Variants in POU2F1 observed in about 807,000 individuals in gnomAD.
The protein encoded by POU2F1 is POU class 2 homeobox 1, also known as POU domain, class 2, transcription factor 1.
Under a neutral mutation model 84.9 loss-of-function variants are expected in POU2F1, and 16 were observed. The observed-to-expected ratio is 0.19, with a 90% CI of 0.13 to 0.29. POU2F1 has a LOEUF of 0.29. Among genes scored for constraint, POU2F1 ranks in the 10% least tolerant of loss-of-function variants. The pLI is 1.00. For synonymous variants in POU2F1, 368 were observed against 368.3 expected, an observed-to-expected ratio of 1.00 and a Z score of 0.01; for missense variants, 738 against 942.6, an observed-to-expected ratio of 0.78 and a Z score of 2.84.
intron 1 of POU2F1, among the ~76,000 whole-genome samples, chr1:167,222,418 A>T (rs1177689028): frequency 6.6e-6 from 1 of 151,696 alleles, no homozygotes. Context: ...AATAACAGCC[A>T]CTCACAGCCC....
intron 1 of POU2F1, among the ~76,000 whole-genome samples, chr1:167,320,155 G>A (rs564576828): frequency 1.1e-4 from 17 of 151,718 alleles, no homozygotes; most frequent in Admixed American, 4.6e-4. Context: ...GTTTGGAATC[G>A]TAGCTGAGCA....
At chr1:167,308,663 C>T (rs1655252956) in intron 1 of POU2F1, among the ~76,000 whole-genome samples, 1 of 152,058 alleles carries the variant, frequency 6.6e-6, no homozygotes, top group Admixed American at 6.6e-5. Context: ...GCAGCTGGCA[C>T]TATAGGTGCA....
chr1:167,362,646 G>A (rs1253847764), intron 2 of POU2F1, among the ~76,000 whole-genome samples: 5 of 152,194 alleles, frequency 3.3e-5, no homozygotes, highest in African/African-American at 4.8e-5. Context: ...TGAGTAGCTG[G>A]AATTAGAGGG....
intron 1 of POU2F1, among the ~76,000 whole-genome samples, chr1:167,223,392 T>G (rs983591066): frequency 2.6e-5 from 4 of 152,202 alleles, no homozygotes; most frequent in Non-Finnish European, 4.4e-5. Context: ...TTTTGGTCTT[T>G]CCTGTGGTAA....
At position 167,427,331 on chromosome 1, in the gene POU2F1, A is replaced by G. The variant is rs1651021341; in HGVS notation, c.*11521A>G. 1 of 152,122 alleles carries G rather than the reference A, an allele frequency of 6.6e-6. No individual in the cohort carries two copies. The highest frequency in any genetic ancestry group is 6.5e-5 in the Admixed American group (1 of 15,268). The allele number at this position is 152,122 out of a possible 1,614,324, so 9.4% of individuals were successfully genotyped here. A position where few individuals can be genotyped will look rare whatever the true frequency, so the allele number is the denominator to read the frequency against. On this transcript the variant is annotated 3_prime_UTR_variant, in exon 16 of 16. Coordinates refer to ENST00000367866, the MANE Select transcript of POU2F1 (RefSeq NM_002697.4). ...TAAAACATCATTAAACCATCTTCCA[A>G]GTGTTTTCACATTGTTGGAGTTTCT...
chr1:167,268,239 TTTA>T (rs1317117300), intron 1 of POU2F1, among the ~76,000 whole-genome samples: 4 of 152,296 alleles, frequency 2.6e-5, no homozygotes, highest in Admixed American at 6.5e-5. Flanking sequence ...ATTTATCTAC[TTTA>T]TTATTCATTA....
At chr1:167,404,821 C>T (rs933629539) in intron 13 of POU2F1, among the ~76,000 whole-genome samples, 1 of 152,168 alleles carries the variant, frequency 6.6e-6, no homozygotes, top group African/African-American at 2.4e-5. Context: ...ATTTCTCCAC[C>T]ATCCAGTTTT....
chr1:167,339,762 T>G (rs1351046367), intron 2 of POU2F1, among the ~76,000 whole-genome samples: 1 of 152,232 alleles, frequency 6.6e-6, no homozygotes, highest in Admixed American at 6.5e-5. Flanking sequence ...CTGAAAGTCA[T>G]TGTCACATTT....
chr1:167,237,746 G>GTGTGTGTATATATATATATATATATA (rs1478366181), intron 1 of POU2F1, among the ~76,000 whole-genome samples: 2 of 72,986 alleles, frequency 2.7e-5, no homozygotes, highest in Non-Finnish European at 4.9e-5. Flanking sequence ...ATGTGTGTGT[G>GTGTGTGTATATATATATATATATATA]TATATATATA....
At chr1:167,234,838 T>C (rs905350467) in intron 1 of POU2F1, among the ~76,000 whole-genome samples, 2 of 152,306 alleles carry the variant, frequency 1.3e-5, no homozygotes, top group East Asian at 1.9e-4. Context: ...GTTGGTGAAA[T>C]AGAAAATTAG....
At chr1:167,256,367 T>TC (rs1290600200) in intron 1 of POU2F1, among the ~76,000 whole-genome samples, 1 of 145,892 alleles carries the variant, frequency 6.9e-6, no homozygotes. Context: ...AATTTCTTCT[T>TC]TTTTTTTTTT....
At chr1:167,375,402 A>C (rs1374688706) in intron 6 of POU2F1, among the ~76,000 whole-genome samples, 1 of 152,242 alleles carries the variant, frequency 6.6e-6, no homozygotes, top group Admixed American at 6.5e-5. Context: ...ATTAGTCTAA[A>C]TAAGATAACG....
intron 1 of POU2F1, 56 bp downstream of exon 1, chr1:167,221,014 G>C: frequency 7.6e-7 from 1 of 1,319,130 alleles, no homozygotes; most frequent in Non-Finnish European, 1.0e-6. Flanking sequence ...GGCTCCCGCT[G>C]CCCCCCCCCG....
chr1:167,288,378 G>T (rs1653681763), intron 1 of POU2F1, among the ~76,000 whole-genome samples: 1 of 152,138 alleles, frequency 6.6e-6, no homozygotes, highest in South Asian at 2.1e-4. Flanking sequence ...TCCTAACATG[G>T]TTAGTCTTAT....
At position 167,311,771 on chromosome 1, in the gene POU2F1, CATTTATTTATTTATTTATTT is replaced by C. The variant is rs3059735; in HGVS notation, c.62-20678_62-20659del. On this transcript the variant is annotated intron_variant, in intron 1 of 15. Coordinates refer to ENST00000367866, the MANE Select transcript of POU2F1 (RefSeq NM_002697.4). ...GCTACTATGGGTTATTACAAAAAATCATTTATTTATTTATTTATTTATTTATTTATTTATTTATTTTTTCT... is the reference window on the plus strand; with the variant it reads ...GCTACTATGGGTTATTACAAAAAATCATTTATTTATTTATTTATTTTTTCT... 3.1e-3 allele frequency among the ~76,000 whole-genome samples: 453 copies of C among 144,728 alleles called. 14 individuals are homozygous for C. The East Asian group carries it at 0.086, about 28-fold the overall frequency. 94.9% of individuals were successfully genotyped at this position (144,728 alleles called of 152,430 possible). A position where few individuals can be genotyped will look rare whatever the true frequency, so the allele number is the denominator to read the frequency against.
At chr1:167,405,844 C>T (rs1175760863) in intron 13 of POU2F1, among the ~76,000 whole-genome samples, 1 of 152,090 alleles carries the variant, frequency 6.6e-6, no homozygotes, top group African/African-American at 2.4e-5. Flanking sequence ...ATACTTTTAG[C>T]CATAAAACAA....
At chr1:167,405,006 G>A (rs551371894) in intron 13 of POU2F1, among the ~76,000 whole-genome samples, 2 of 152,134 alleles carry the variant, frequency 1.3e-5, no homozygotes, top group Non-Finnish European at 2.9e-5. Flanking sequence ...TTTGATTGAT[G>A]TGGTCATCTT....
At chr1:167,304,633 G>A (rs2102578888) in intron 1 of POU2F1, among the ~76,000 whole-genome samples, 1 of 152,234 alleles carries the variant, frequency 6.6e-6, no homozygotes, top group South Asian at 2.1e-4. Context: ...CCTCCGTAAT[G>A]ATTTTAACTA....
intron 1 of POU2F1, among the ~76,000 whole-genome samples, chr1:167,328,533 T>G (rs1333764011): frequency 6.6e-6 from 1 of 152,204 alleles, no homozygotes; most frequent in Non-Finnish European, 1.5e-5. Context: ...GAAGTCATTG[T>G]TGCCAGCAGG....
Sources: allele counts gnomAD v4.1 joint callset (sites outside exome capture counted in the v4.1 genomes callset), GRCh38; gene constraint gnomAD v4.1.1; transcripts MANE v1.5; gene names NCBI Gene and HGNC (gene_info 2026-07-23, HGNC 2026-07-21).